Variants in MTMR8 observed in about 807,000 individuals in gnomAD.
MTMR8 encodes the protein myotubularin related protein 8.
In MTMR8, 65 loss-of-function variants were observed where a neutral mutation model predicts 39.3. That is an observed-to-expected ratio of 1.65 (90% CI 1.35 to 2.03). The LOEUF is 2.03. Among genes scored for constraint, MTMR8 ranks in the 30% most tolerant of loss-of-function variants. The pLI, the probability that MTMR8 is intolerant of heterozygous loss-of-function variation, is 0.00. For missense variants in MTMR8, 777 were observed against 538.9 expected, an observed-to-expected ratio of 1.44 and a Z score of -4.37; for synonymous variants, 245 against 185.2, an observed-to-expected ratio of 1.32 and a Z score of -2.62.
intron 11 of MTMR8, 84 bp downstream of exon 11, chrX:64,331,473 A>G: frequency 1.1e-6 from 1 of 888,142 alleles, no homozygotes; most frequent in Non-Finnish European, 1.6e-6. Context: ...CTTGACTGCT[A>G]TGCCAAATTC....
At chrX:64,380,425 T>G (rs971861335) in intron 1 of MTMR8, among the ~76,000 whole-genome samples, 1 of 112,637 alleles carries the variant, frequency 8.9e-6, no homozygotes, top group African/African-American at 3.2e-5. Context: ...GGCTCCACCC[T>G]CAAAGGTTAA....
chrX:64,283,944 C>T lies in MTMR8; in HGVS notation c.1482-12871G>A, dbSNP rs1018438058. Among the ~76,000 whole-genome samples, 5 of 112,456 alleles carry T rather than the reference C, an allele frequency of 4.4e-5. No homozygotes were observed. The South Asian group carries it at 1.8e-3, about 41-fold the overall frequency. On this transcript the variant is annotated intron_variant, in intron 12 of 13. Coordinates refer to ENST00000374852, the MANE Select transcript of MTMR8 (RefSeq NM_017677.4). ...CTCCTTCTCCAAAGGAACGCAGCTC[C>T]TCAACAGCAATGGAACAAAGCTGGA...
At chrX:64,324,971 A>G (rs1207493740) in intron 12 of MTMR8, among the ~76,000 whole-genome samples, 1 of 111,329 alleles carries the variant, frequency 9.0e-6, no homozygotes, top group Non-Finnish European at 1.9e-5. Context: ...CCAAAAAAAG[A>G]GACACTACAA....
At chrX:64,325,979 G>A (rs956117351) in intron 12 of MTMR8, among the ~76,000 whole-genome samples, 25 of 111,654 alleles carry the variant, frequency 2.2e-4, no homozygotes, top group African/African-American at 7.8e-4. Context: ...ACTACCAGTA[G>A]CCCACTGTTG....
intron 1 of MTMR8, among the ~76,000 whole-genome samples, chrX:64,367,397 A>T (rs1923999519): frequency 8.9e-6 from 1 of 111,886 alleles, no homozygotes; most frequent in South Asian, 3.8e-4. Context: ...AGCACATCAA[A>T]AACCTTATCC....
At chrX:64,285,067 T>G (rs935714486) in intron 12 of MTMR8, among the ~76,000 whole-genome samples, 10 of 111,616 alleles carry the variant, frequency 9.0e-5, no homozygotes, top group Non-Finnish European at 1.9e-4. Context: ...TGTGCTGTAT[T>G]CAGGAAACCC....
At chrX:64,291,766 G>A (rs775268788) in intron 12 of MTMR8, among the ~76,000 whole-genome samples, 2 of 111,611 alleles carry the variant, frequency 1.8e-5, no homozygotes, top group South Asian at 3.8e-4. Flanking sequence ...CTTTGGCATG[G>A]CATTCTTCTG....
chrX:64,313,737 A>T (rs1422770808), intron 12 of MTMR8, among the ~76,000 whole-genome samples: 2 of 112,540 alleles, frequency 1.8e-5, no homozygotes, highest in African/African-American at 6.5e-5. Context: ...AAGACTGAAA[A>T]GATGGAGCAA....
chrX:64,386,647 A>C (rs752782763), intron 1 of MTMR8, among the ~76,000 whole-genome samples: 1 of 111,934 alleles, frequency 8.9e-6, no homozygotes, highest in East Asian at 2.8e-4. Flanking sequence ...TCCTTACCTG[A>C]TGGGGAAGCT....
intron 1 of MTMR8, among the ~76,000 whole-genome samples, chrX:64,387,794 G>A (rs1924601235): frequency 1.9e-5 from 2 of 107,469 alleles, no homozygotes; most frequent in African/African-American, 3.4e-5. Context: ...GGAGGAGAGA[G>A]GAAAGGAGGG....
chrX:64,272,581 G>T (rs1303891011), intron 12 of MTMR8, among the ~76,000 whole-genome samples: 1 of 111,438 alleles, frequency 9.0e-6, no homozygotes, highest in African/African-American at 3.3e-5. Flanking sequence ...AGTCCCAAGA[G>T]AATATAGGAA....
At chrX:64,313,314 G>C (rs981095656) in intron 12 of MTMR8, among the ~76,000 whole-genome samples, 1 of 112,511 alleles carries the variant, frequency 8.9e-6, no homozygotes, top group African/African-American at 3.2e-5. Flanking sequence ...GCACTTTTGT[G>C]TTATGGAGAT....
At chrX:64,388,907 G>A (rs768871014) in intron 1 of MTMR8, among the ~76,000 whole-genome samples, 5 of 111,752 alleles carry the variant, frequency 4.5e-5, no homozygotes, top group African/African-American at 1.6e-4. Context: ...AAATTATCTT[G>A]TGGGACTAGT....
At chrX:64,293,108 C>T (rs1469352194) in intron 12 of MTMR8, among the ~76,000 whole-genome samples, 1 of 111,303 alleles carries the variant, frequency 9.0e-6, no homozygotes, top group East Asian at 2.8e-4. Flanking sequence ...AGCATGATGA[C>T]TTGGCAAGTC....
At chrX:64,386,211 C>T (rs759467845) in intron 1 of MTMR8, among the ~76,000 whole-genome samples, 3 of 111,959 alleles carry the variant, frequency 2.7e-5, no homozygotes, top group Non-Finnish European at 5.6e-5. Context: ...AGTGGGAACG[C>T]TCATTCTATT....
rs142997777 is a variant in MTMR8, at chrX:64,307,422, G to A, written c.1481+21350C>T. On this transcript the variant is annotated intron_variant, in intron 12 of 13. Coordinates refer to ENST00000374852, the MANE Select transcript of MTMR8 (RefSeq NM_017677.4). Reference sequence around the variant, plus strand: ...GTGTAGGTGAAGGTTAATTTTGAGCGGAGAGGGCAATGGATTGTTCAGCAT... The same window carrying A: ...GTGTAGGTGAAGGTTAATTTTGAGCAGAGAGGGCAATGGATTGTTCAGCAT... Among the ~76,000 whole-genome samples, 338 of 111,535 alleles carry A rather than the reference G, an allele frequency of 3.0e-3. 1 individual carries two copies. Among genetic ancestry groups the A allele is most frequent in the Middle Eastern group, 9.3e-3 (2 of 216 alleles).
chrX:64,293,163 A>G (rs1449130526), intron 12 of MTMR8, among the ~76,000 whole-genome samples: 2 of 111,629 alleles, frequency 1.8e-5, no homozygotes, highest in Non-Finnish European at 3.8e-5. Flanking sequence ...CTTATTTCTC[A>G]GGAGGGCGCC....
At chrX:64,297,754 T>C (rs1489368662) in intron 12 of MTMR8, among the ~76,000 whole-genome samples, 3 of 110,524 alleles carry the variant, frequency 2.7e-5, no homozygotes, top group African/African-American at 9.9e-5. Context: ...GAATTGATTT[T>C]TGTATAAGGT....
chrX:64,308,519 T>G (rs1364097235), intron 12 of MTMR8, among the ~76,000 whole-genome samples: 7 of 110,195 alleles, frequency 6.4e-5, no homozygotes, highest in African/African-American at 2.0e-4. Flanking sequence ...TTGGCTTTCC[T>G]ATTTATAATT....
Sources: gnomAD v4.1 joint callset for allele counts (sites outside exome capture counted in the v4.1 genomes callset) on GRCh38, gnomAD v4.1.1 for gene constraint, MANE v1.5 for transcripts, NCBI Gene and HGNC (gene_info 2026-07-23, HGNC 2026-07-21) for gene names.